Variants in CACNA2D3 observed in about 807,000 individuals in gnomAD.
The protein encoded by CACNA2D3 is calcium voltage-gated channel auxiliary subunit alpha2delta 3, also known as voltage-dependent calcium channel subunit alpha-2/delta-3.
A neutral mutation model predicts 160.6 loss-of-function variants in CACNA2D3; 60 were observed. The ratio of observed to expected loss-of-function variants is 0.37; its 90% CI spans 0.30 to 0.46. The LOEUF is 0.46. Among genes scored for constraint, CACNA2D3 ranks in the 20% least tolerant of loss-of-function variants. The pLI, the probability that CACNA2D3 is intolerant of heterozygous loss-of-function variation, is 1.00. For missense variants in CACNA2D3, 1,205 were observed against 1,365.0 expected (o/e 0.88, Z 1.85); for synonymous variants, 558 against 492.9 (o/e 1.13, Z -1.75).
intron 13 of CACNA2D3, among the ~76,000 whole-genome samples, chr3:54,772,854 T>G (rs988621488): frequency 3.9e-5 from 6 of 152,292 alleles, no homozygotes; most frequent in African/African-American, 1.4e-4. Context: ...AGCTTGGGAA[T>G]GCTATTCAAC....
chr3:54,406,458 A>G (rs892353053), intron 4 of CACNA2D3, among the ~76,000 whole-genome samples: 4 of 152,176 alleles, frequency 2.6e-5, no homozygotes, highest in African/African-American at 7.2e-5. Context: ...CATATATACA[A>G]TGGAATATTA....
At chr3:54,554,307 T>C (rs2106691011) in intron 5 of CACNA2D3, among the ~76,000 whole-genome samples, 1 of 152,318 alleles carries the variant, frequency 6.6e-6, no homozygotes, top group South Asian at 2.1e-4. Flanking sequence ...CCATTGTTTC[T>C]CTCCTCATAC....
intron 29 of CACNA2D3, among the ~76,000 whole-genome samples, chr3:54,972,564 C>G (rs1290497120): frequency 6.6e-6 from 1 of 152,186 alleles, no homozygotes; most frequent in Non-Finnish European, 1.5e-5. Flanking sequence ...GGTCTGACTT[C>G]TCCATTGCAC....
At chr3:54,941,883 C>T (rs909678355) in intron 27 of CACNA2D3, among the ~76,000 whole-genome samples, 1 of 152,116 alleles carries the variant, frequency 6.6e-6, no homozygotes, top group Non-Finnish European at 1.5e-5. Flanking sequence ...GCACCTGTCT[C>T]GGCTGTAGTA....
rs1227546601 is a variant in CACNA2D3, at chr3:54,622,377, G to A, written c.964-5410G>A. On this transcript the variant is annotated intron_variant, in intron 9 of 37. Coordinates refer to ENST00000474759, the MANE Select transcript of CACNA2D3 (RefSeq NM_018398.3). ...TGCAAGCTCTGCCTCCCGGGTTCAC[G>A]CCATTCTTCTGCCTCAGCCTCCCGA... 5.3e-5 allele frequency among the ~76,000 whole-genome samples: 8 copies of A among 152,152 alleles called. 1 individual carries two copies. The South Asian group carries it at 1.5e-3, about 28-fold the overall frequency.
At chr3:54,662,842 T>C (rs1428341952) in intron 11 of CACNA2D3, among the ~76,000 whole-genome samples, 1 of 152,242 alleles carries the variant, frequency 6.6e-6, no homozygotes, top group Non-Finnish European at 1.5e-5. Context: ...GAGTCTTACA[T>C]TTGAAGGTCA....
chr3:55,058,698 G>T (rs1185024080), intron 35 of CACNA2D3, among the ~76,000 whole-genome samples: 1 of 151,816 alleles, frequency 6.6e-6, no homozygotes, highest in Non-Finnish European at 1.5e-5. Flanking sequence ...CCTATTCATT[G>T]CAGAAAATTG....
At chr3:54,525,916 AAT>A (rs1701716575) in intron 5 of CACNA2D3, among the ~76,000 whole-genome samples, 1 of 151,884 alleles carries the variant, frequency 6.6e-6, no homozygotes, top group African/African-American at 2.4e-5. Context: ...AATATCCTTC[AAT>A]ATCTTTTTCT....
chr3:54,802,620 T>C (rs1703018455), intron 13 of CACNA2D3, among the ~76,000 whole-genome samples: 1 of 152,138 alleles, frequency 6.6e-6, no homozygotes, highest in Non-Finnish European at 1.5e-5. Flanking sequence ...AGTAGTCCTC[T>C]GGGGGCAGGG....
rs555490892 is a variant in CACNA2D3, at chr3:54,509,927, A to G, written c.544+6273A>G. ...TGGCACAATAGGTCTGCAGAGATGT[A>G]TATGTGTGTATGCATAGGTTTGTGT... On this transcript the variant is annotated intron_variant, in intron 5 of 37. Transcript: ENST00000474759. 2.6e-5 allele frequency among the ~76,000 whole-genome samples: 4 copies of G among 152,340 alleles called. No homozygotes were observed. In the East Asian group the frequency reaches 7.7e-4, roughly 29 times the overall value.
At chr3:54,633,959 C>T (rs1010772748) in intron 10 of CACNA2D3, among the ~76,000 whole-genome samples, 2 of 152,126 alleles carry the variant, frequency 1.3e-5, no homozygotes, top group African/African-American at 2.4e-5. Context: ...GTGCGTGATT[C>T]GAGTTGGCTT....
intron 11 of CACNA2D3, among the ~76,000 whole-genome samples, chr3:54,723,129 C>T (rs1333653324): frequency 6.6e-6 from 1 of 152,240 alleles, no homozygotes; most frequent in Non-Finnish European, 1.5e-5. Context: ...CCAGAGCAGC[C>T]TTGCTGAGCA....
intron 13 of CACNA2D3, among the ~76,000 whole-genome samples, chr3:54,802,930 G>A (rs1299846063): frequency 6.6e-6 from 1 of 152,214 alleles, no homozygotes; most frequent in Non-Finnish European, 1.5e-5. Context: ...AGCCACCACT[G>A]CTGTTACCCA....
chr3:54,777,911 G>T (rs1433145475), intron 13 of CACNA2D3, among the ~76,000 whole-genome samples: 1 of 152,168 alleles, frequency 6.6e-6, no homozygotes. Flanking sequence ...AATTTGAAAA[G>T]TTTTCATAAA....
At chr3:54,338,056 A>G (rs949195129) in intron 3 of CACNA2D3, among the ~76,000 whole-genome samples, 7 of 152,244 alleles carry the variant, frequency 4.6e-5, no homozygotes, top group Admixed American at 4.6e-4. Context: ...AGGACAGACA[A>G]CACCAGTAAA....
intron 3 of CACNA2D3, among the ~76,000 whole-genome samples, chr3:54,323,797 CA>C (rs1003187280): frequency 1.3e-5 from 2 of 152,118 alleles, no homozygotes; most frequent in African/African-American, 4.8e-5. Context: ...AGGTCAGGAA[CA>C]GAACAGATTT....
intron 1 of CACNA2D3, 36 bp downstream of exon 1, chr3:54,122,871 C>T: frequency 8.2e-7 from 1 of 1,215,670 alleles, no homozygotes; most frequent in Non-Finnish European, 1.0e-6. Context: ...GGGGAGGGGA[C>T]CTTGCCGCCT....
chr3:54,530,124 ACTT>A (rs1446751984), intron 5 of CACNA2D3, among the ~76,000 whole-genome samples: 1 of 152,108 alleles, frequency 6.6e-6, no homozygotes, highest in Non-Finnish European at 1.5e-5. Context: ...CTCCTCCTTC[ACTT>A]CTTGGGATTC....
intron 9 of CACNA2D3, among the ~76,000 whole-genome samples, chr3:54,625,243 G>A (rs1699071660): frequency 6.6e-6 from 1 of 152,194 alleles, no homozygotes. Flanking sequence ...TCAGGTATAT[G>A]TCAAGCCCAT....
Sources: allele counts gnomAD v4.1 joint callset (sites outside exome capture counted in the v4.1 genomes callset), GRCh38; gene constraint gnomAD v4.1.1; transcripts MANE v1.5; gene names NCBI Gene and HGNC (gene_info 2026-07-23, HGNC 2026-07-21).